Variants in TM2D3 observed in about 807,000 individuals in gnomAD.
TM2D3 encodes the protein TM2 domain containing 3.
TM2D3 carries 33 observed loss-of-function variants against 27.3 expected under a neutral mutation model. The observed-to-expected ratio is 1.21, with a 90% CI of 0.92 to 1.61. The LOEUF is 1.61. TM2D3 is among the 40% of genes most tolerant of loss of function. TM2D3 has a pLI of 0.00. For missense variants in TM2D3, 364 were observed against 320.8 expected (o/e 1.13, Z -1.03); for synonymous variants, 138 against 122.2 (o/e 1.13, Z -0.85).
At chr15:101,641,396 T>C (rs1280084456), downstream of TM2D3, among the ~76,000 whole-genome samples, 1 of 152,206 alleles carries the variant, frequency 6.6e-6, no homozygotes, top group African/African-American at 2.4e-5. Context: ...AGAAAAGGAC[T>C]GTGCTTTAAA....
intron 5 of TM2D3, 34 bp from the exon 6 acceptor site, chr15:101,642,678 C>A: frequency 6.5e-7 from 1 of 1,545,668 alleles, no homozygotes; most frequent in Non-Finnish European, 8.8e-7. Flanking sequence ...TCCATGAGAC[C>A]ACCTCCACCC....
Position 101,642,189 on chromosome 15 carries a change from T to C in TM2D3, c.*290A>G, listed in dbSNP as rs1032146767. On this transcript the variant is annotated 3_prime_UTR_variant, in exon 6 of 6. Coordinates refer to ENST00000333202, the MANE Select transcript of TM2D3 (RefSeq NM_078474.3). The stretch of plus-strand genomic sequence containing the variant: ...AAGTGATGTAGTTTGACTTGGGCAA[T>C]ACAAAACAAAAGTCATAGGAATTAA... 5 of 1,064,988 alleles carry C rather than the reference T, an allele frequency of 4.7e-6. No homozygotes were observed. The East Asian group carries it at 3.2e-4, about 68-fold the overall frequency. The allele number at this position is 1,064,988 out of a possible 1,614,324, so 66.0% of individuals were successfully genotyped here.
downstream of TM2D3, among the ~76,000 whole-genome samples, chr15:101,638,423 T>C (rs1464470716): frequency 6.6e-6 from 1 of 151,954 alleles, no homozygotes; most frequent in African/African-American, 2.4e-5. Flanking sequence ...GCCTCCTGAG[T>C]AGCTGGGATT....
chr15:101,642,701 G>C (rs1224001378), intron 5 of TM2D3, 57 bp from the exon 6 acceptor site: 7 of 1,465,070 alleles, frequency 4.8e-6, no homozygotes, highest in Admixed American at 2.2e-5. Flanking sequence ...GCTGTGGCCA[G>C]TCACGGTTTA....
intron 4 of TM2D3, chr15:101,646,465 A>T: frequency 3.7e-6 from 1 of 269,192 alleles, no homozygotes; most frequent in Non-Finnish European, 7.5e-6. Flanking sequence ...TATTTTGGGT[A>T]AAGGTCAATT....
Position 101,642,213 on chromosome 15 carries a change from A to G in TM2D3, c.*266T>C, listed in dbSNP as rs985136901. On this transcript the variant is annotated 3_prime_UTR_variant, in exon 6 of 6. Transcript: ENST00000333202. ...ATACAAAACAAAAGTCATAGGAATT[A>G]AATGGATTTTCAATCACTGTATAAT... 43 of 1,124,710 alleles carry G rather than the reference A, an allele frequency of 3.8e-5. No individual in the cohort carries two copies. The highest frequency in any genetic ancestry group is 4.9e-5 in the Admixed American group (1 of 20,346). 69.7% of individuals were successfully genotyped at this position (1,124,710 alleles called of 1,614,324 possible). A position where few individuals can be genotyped will look rare whatever the true frequency, so the allele number is the denominator to read the frequency against.
At chr15:101,646,646 G>A (rs1453200380) in intron 4 of TM2D3, 79 bp downstream of exon 4, 5 of 1,530,584 alleles carry the variant, frequency 3.3e-6, no homozygotes, top group African/African-American at 2.7e-5. Flanking sequence ...AACTTGACTC[G>A]CAAATTTCTG....
chr15:101,638,485 C>T (rs1179866879), downstream of TM2D3, among the ~76,000 whole-genome samples: 138 of 151,756 alleles, frequency 9.1e-4, 1 homozygote, highest in Non-Finnish European at 1.3e-4. Flanking sequence ...TTAGTAGAGA[C>T]GGGGGTTTCA....
At chr15:101,636,399 A>G (rs1369927413) in intron 4 of TM2D3, 2 of 152,216 alleles carry the variant, frequency 1.3e-5, no homozygotes, top group Non-Finnish European at 2.9e-5. Context: ...AAAAAGGAGA[A>G]AGTCATGTAA....
chr15:101,641,824 A>T, downstream of TM2D3: 1 of 783,386 alleles, frequency 1.3e-6, no homozygotes, highest in Non-Finnish European at 1.5e-6. Context: ...GATTATATTT[A>T]ATATAGAAAA....
chr15:101,636,801 C>T (rs148074068), intron 4 of TM2D3: 3 of 299,488 alleles, frequency 1.0e-5, no homozygotes, highest in Non-Finnish European at 2.1e-5. Context: ...TATGAAGGTT[C>T]CAATTTCTCC....
intron 2 of TM2D3, 44 bp downstream of exon 2, chr15:101,651,652 A>G (rs1211785164): frequency 1.9e-6 from 3 of 1,545,650 alleles, no homozygotes; most frequent in African/African-American, 2.8e-5. Flanking sequence ...AGAAACTACT[A>G]GAGATAACTA....
chr15:101,644,865 C>T (rs988046719), intron 5 of TM2D3, among the ~76,000 whole-genome samples: 2 of 152,094 alleles, frequency 1.3e-5, no homozygotes, highest in African/African-American at 4.8e-5. Context: ...GAATGGTAAA[C>T]GTAATGTGCA....
chr15:101,637,642 T>A (rs1437397606), downstream of TM2D3, among the ~76,000 whole-genome samples: 1 of 152,148 alleles, frequency 6.6e-6, no homozygotes. Context: ...CAGAGTTTAG[T>A]CCTCAGTAGC....
downstream of TM2D3, among the ~76,000 whole-genome samples, chr15:101,638,180 C>G (rs923375959): frequency 2.6e-5 from 4 of 152,200 alleles, no homozygotes; most frequent in Admixed American, 2.6e-4. Flanking sequence ...CGAGCCCTCT[C>G]TCACTGGTCT....
intron 4 of TM2D3, chr15:101,646,253 C>A (rs926048678): frequency 1.3e-5 from 2 of 157,454 alleles, no homozygotes; most frequent in African/African-American, 4.8e-5. Flanking sequence ...AGCCTGAAAT[C>A]ATTTTACACG....
At chr15:101,633,952 G>T in intron 4 of TM2D3, 1 of 435,220 alleles carries the variant, frequency 2.3e-6, no homozygotes, top group Non-Finnish European at 4.1e-6. Context: ...GCCTCACTGA[G>T]CAATTACTAA....
intron 2 of TM2D3, chr15:101,651,379 TAGAGGA>T: frequency 6.5e-6 from 2 of 306,360 alleles, no homozygotes; most frequent in Non-Finnish European, 1.2e-5. Flanking sequence ...GTTTTAGCAG[TAGAGGA>T]AATTTGCTGA....
chr15:101,644,842 C>T (rs1012804124), intron 5 of TM2D3, among the ~76,000 whole-genome samples: 3 of 152,094 alleles, frequency 2.0e-5, no homozygotes, highest in Non-Finnish European at 2.9e-5. Context: ...TTTACTGATT[C>T]GTGGTACATT....
Sources: gnomAD v4.1 joint callset for allele counts (sites outside exome capture counted in the v4.1 genomes callset) on GRCh38, gnomAD v4.1.1 for gene constraint, MANE v1.5 for transcripts, NCBI Gene and HGNC (gene_info 2026-07-23, HGNC 2026-07-21) for gene names.